GAK: variants seen among roughly 807,000 people sequenced by gnomAD.
GAK encodes the protein cyclin-G-associated kinase.
In GAK, 79 loss-of-function variants were observed where a neutral mutation model predicts 143.9. The ratio of observed to expected loss-of-function variants is 0.55; its 90% CI spans 0.46 to 0.66. GAK has a LOEUF of 0.66. GAK is among the 30% of genes least tolerant of loss of function. The pLI is 0.00. For missense variants in GAK, 1,693 were observed against 1,779.7 expected, an observed-to-expected ratio of 0.95 and a Z score of 0.88; for synonymous variants, 881 against 765.5, an observed-to-expected ratio of 1.15 and a Z score of -2.49.
intron 18 of GAK, among the ~76,000 whole-genome samples, chr4:874,311 A>T (rs1713368065): frequency 6.6e-6 from 1 of 152,224 alleles, no homozygotes; most frequent in Non-Finnish European, 1.5e-5. Flanking sequence ...ATTTCACCAC[A>T]GAGTCATGCA....
rs1316896349 is a variant in GAK at position 851,416 on chromosome 4, G to C, written c.3509-332C>G. The C allele has an allele frequency of 1.2e-5, 6 of 492,532 alleles. No homozygotes were observed. The Admixed American group carries it at 2.2e-4, about 18-fold the overall frequency. 30.5% of individuals were successfully genotyped at this position (492,532 alleles called of 1,614,324 possible). ...CAGTTAAGAACAGAAACTTTCTGCA[G>C]AGACACACAGGCCCAATTCCACCTG... On this transcript the variant is annotated intron_variant, in intron 25 of 27. Transcript: ENST00000314167.
At chr4:849,844 C>CG (rs1560264277) in intron 27 of GAK, 48 bp downstream of exon 27, 5 of 1,291,694 alleles carry the variant, frequency 3.9e-6, no homozygotes, top group South Asian at 2.6e-5. Context: ...ACCCCCCCCC[C>CG]GCCCCGCCCC....
chr4:926,755 C>A (rs1724813006), intron 1 of GAK, among the ~76,000 whole-genome samples: 1 of 152,102 alleles, frequency 6.6e-6, no homozygotes, highest in Non-Finnish European at 1.5e-5. Context: ...GTGGCAGAAT[C>A]TGGGCCTCAC....
chr4:908,256 G>C (rs554742479), intron 4 of GAK, among the ~76,000 whole-genome samples: 1 of 152,150 alleles, frequency 6.6e-6, no homozygotes, highest in South Asian at 2.1e-4. Context: ...GGCTCACACA[G>C]CAGGCAGGCT....
intron 1 of GAK, among the ~76,000 whole-genome samples, chr4:923,477 C>G (rs1415378658): frequency 2.6e-5 from 4 of 151,690 alleles, no homozygotes; most frequent in African/African-American, 9.7e-5. Flanking sequence ...TGAGAACAGC[C>G]TACAGGCAAC....
rs753333596 is a variant in GAK at position 867,383 on chromosome 4, G to A, written c.2445C>T (p.Ser815=). 67 of 1,569,872 alleles carry A rather than the reference G, an allele frequency of 4.3e-5. No homozygotes were observed. The highest frequency in any genetic ancestry group is 5.1e-5 in the Non-Finnish European group (59 of 1,154,576). Residue 815 remains serine (S), a synonymous_variant, in exon 21 of 28, where the codon AGC becomes AGT. Coordinates refer to ENST00000314167, the MANE Select transcript of GAK (RefSeq NM_005255.4). ...CTCTGTCCTCCATCAGGGCAGACTC[G>A]CTCTCCTTGGAAGAGGCATTTTCTG... The part of the protein sequence containing the change: ...TGAENASSKE[S]ESALMEDRDE...
At chr4:923,859 C>T (rs1182169117) in intron 1 of GAK, among the ~76,000 whole-genome samples, 1 of 151,898 alleles carries the variant, frequency 6.6e-6, no homozygotes, top group Non-Finnish European at 1.5e-5. Flanking sequence ...GACCTGTATC[C>T]AGAGTAAGCA....
chr4:873,926 G>A (rs898417896), intron 18 of GAK, among the ~76,000 whole-genome samples: 3 of 152,196 alleles, frequency 2.0e-5, no homozygotes, highest in African/African-American at 7.2e-5. Context: ...CGGTCTACCA[G>A]CTGGCTGTTT....
intron 2 of GAK, among the ~76,000 whole-genome samples, chr4:913,189 G>A (rs1482251350): frequency 6.6e-6 from 1 of 152,242 alleles, no homozygotes; most frequent in East Asian, 1.9e-4. Flanking sequence ...AGCAAATGGG[G>A]CCTTCTTACG....
chr4:876,418 G>T, intron 18 of GAK, 112 bp downstream of exon 18: 1 of 871,066 alleles, frequency 1.1e-6, no homozygotes. Flanking sequence ...CCACCAAGCA[G>T]CAGTCACACA....
At chr4:858,344 G>C (rs1749649164) in intron 24 of GAK, among the ~76,000 whole-genome samples, 2 of 152,070 alleles carry the variant, frequency 1.3e-5, no homozygotes, top group Admixed American at 6.5e-5. Flanking sequence ...AGGCAGGATG[G>C]TTTCAGGCCG....
rs142037003 is a variant in GAK, at chr4:851,949, C to A, written c.3309G>T (p.Gly1103=). The A allele has an allele frequency of 1.2e-4, 197 of 1,613,884 alleles. No individual in the cohort carries two copies. In the African/African-American group the frequency reaches 2.3e-3, roughly 19 times the overall value. Residue 1103 remains glycine, a synonymous_variant, in exon 25 of 28, where the codon GGG becomes GGT. Transcript: ENST00000314167. ...LQGSPAGFPP[G]GFIPKTATTP... The stretch of plus-strand genomic sequence containing the variant: ...TGGTGGCCGTTTTGGGAATGAAGCC[C>A]CCAGGAGGGAATCCAGCTGGTGAGC...
At position 859,586 on chromosome 4, in the gene GAK, C is replaced by G. The variant is rs763700279; in HGVS notation, c.3283+20G>C. On this transcript the variant is annotated intron_variant, in intron 24 of 27. Transcript: ENST00000314167. The stretch of plus-strand genomic sequence containing the variant: ...TACAAGGAAACAGCTTCCACACCCC[C>G]AAAGTGCCCTCCACGTTACCTTGGA... The G allele has an allele frequency of 6.3e-7, 1 of 1,590,714 alleles. No individual in the cohort carries two copies. The highest frequency in any genetic ancestry group is 1.1e-5 in the South Asian group (1 of 90,466).
chr4:923,804 T>C (rs1383177437), intron 1 of GAK, among the ~76,000 whole-genome samples: 1 of 152,198 alleles, frequency 6.6e-6, no homozygotes, highest in African/African-American at 2.4e-5. Flanking sequence ...CAGCTAAGGC[T>C]TGCCTTCTCT....
intron 12 of GAK, 101 bp downstream of exon 12, chr4:883,936 G>A (rs1314340526): frequency 1.3e-5 from 15 of 1,175,930 alleles, no homozygotes; most frequent in Non-Finnish European, 1.8e-5. Context: ...CCACAGAGAA[G>A]GCTGGAGCAG....
At chr4:920,201 G>C (rs567842290) in intron 1 of GAK, among the ~76,000 whole-genome samples, 79 of 151,864 alleles carry the variant, frequency 5.2e-4, no homozygotes, top group African/African-American at 1.8e-3. Context: ...CCAGCTACTC[G>C]GGAGGCTGAG....
chr4:903,571 C>A (rs1416360980), intron 5 of GAK, among the ~76,000 whole-genome samples: 1 of 134,790 alleles, frequency 7.4e-6, no homozygotes, highest in South Asian at 2.2e-4. Context: ...GGGCCTGGGC[C>A]AACACCACTG....
intron 7 of GAK, among the ~76,000 whole-genome samples, chr4:895,715 G>A (rs1718640456): frequency 6.6e-6 from 1 of 152,242 alleles, no homozygotes; most frequent in Non-Finnish European, 1.5e-5. Flanking sequence ...GTCACCCTCG[G>A]TCAATGGGGA....
chr4:900,245 G>A (rs1425962677), intron 5 of GAK, among the ~76,000 whole-genome samples: 1 of 152,232 alleles, frequency 6.6e-6, no homozygotes, highest in Non-Finnish European at 1.5e-5. Context: ...CAACAGAGAC[G>A]AAGCTGTGCG....
Sources: gnomAD v4.1 joint callset for allele counts (sites outside exome capture counted in the v4.1 genomes callset) on GRCh38, gnomAD v4.1.1 for gene constraint, MANE v1.5 for transcripts, NCBI Gene and HGNC (gene_info 2026-07-23, HGNC 2026-07-21) for gene names.